UBE4B: variants seen among roughly 807,000 people sequenced by gnomAD.
UBE4B encodes ubiquitin conjugation factor E4 B.
A neutral mutation model predicts 148.1 loss-of-function variants in UBE4B; 27 were observed. The ratio of observed to expected loss-of-function variants is 0.18; its 90% CI spans 0.13 to 0.25. The LOEUF is 0.25. Among genes scored for constraint, UBE4B ranks in the 10% least tolerant of loss-of-function variants. The pLI, the probability that UBE4B is intolerant of heterozygous loss-of-function variation, is 1.00. For missense variants in UBE4B, 1,170 were observed against 1,662.4 expected, an observed-to-expected ratio of 0.70 and a Z score of 5.15; for synonymous variants, 596 against 619.3, an observed-to-expected ratio of 0.96 and a Z score of 0.56.
intron 7 of UBE4B, among the ~76,000 whole-genome samples, chr1:10,113,485 T>C (rs1645255564): frequency 6.6e-6 from 1 of 152,256 alleles, no homozygotes; most frequent in African/African-American, 2.4e-5. Flanking sequence ...TTTCCTTGCA[T>C]TGCCTGGCAC....
intron 1 of UBE4B, among the ~76,000 whole-genome samples, chr1:10,039,686 T>C (rs906605063): frequency 9.9e-5 from 15 of 152,068 alleles, no homozygotes; most frequent in Non-Finnish European, 1.2e-4. Flanking sequence ...GTGGCCCACC[T>C]GCCTCTGCCT....
intron 25 of UBE4B, among the ~76,000 whole-genome samples, chr1:10,176,611 C>T (rs556371992): frequency 1.8e-4 from 27 of 151,940 alleles, no homozygotes; most frequent in African/African-American, 3.9e-4. Context: ...TATTTCATTG[C>T]GGTTTTGATT....
In UBE4B at chr1:10,137,049, T is replaced by C. The variant is rs755088325; in HGVS notation, c.2225-18T>C. On this transcript the variant is annotated intron_variant, in intron 16 of 27. Transcript: ENST00000343090. ...CATGTAATAGATTTTATTTAGGGAA[T>C]GATGTTATTTTTCCTAGATGGCGAT... 1 of 1,613,882 alleles carries C rather than the reference T, an allele frequency of 6.2e-7. No homozygotes were observed. The highest frequency in any genetic ancestry group is 1.3e-5 in the African/African-American group (1 of 74,942).
At chr1:10,133,058 G>C (rs966628646) in intron 15 of UBE4B, among the ~76,000 whole-genome samples, 8 of 146,848 alleles carry the variant, frequency 5.4e-5, no homozygotes, top group African/African-American at 1.9e-4. Flanking sequence ...AAAACAGAAG[G>C]GGGCAGCCAG....
rs559608777 is a variant in UBE4B at position 10,166,941 on chromosome 1, TCA to T, written c.3199-1166_3199-1165del. Among the ~76,000 whole-genome samples the T allele has an allele frequency of 4.0e-3, 528 of 131,318 alleles. 3 individuals carry two copies. Among genetic ancestry groups the T allele is most frequent in the African/African-American group, 8.9e-3 (303 of 34,106 alleles). The allele number at this position is 131,318 out of a possible 152,430, so 86.1% of individuals were successfully genotyped here. A position where few individuals can be genotyped will look rare whatever the true frequency, so the allele number is the denominator to read the frequency against. On this transcript the variant is annotated intron_variant, in intron 23 of 27. Transcript: ENST00000343090. Reference sequence around the variant, plus strand: ...CCCTGTCTCAAAAAAAATAAATAAATCACACACACACACACACACACACACAC... The same window carrying T: ...CCCTGTCTCAAAAAAAATAAATAAATCACACACACACACACACACACACAC...
intron 11 of UBE4B, among the ~76,000 whole-genome samples, chr1:10,127,102 G>A (rs542499151): frequency 8.6e-5 from 13 of 151,998 alleles, no homozygotes; most frequent in Non-Finnish European, 1.3e-4. Flanking sequence ...CTAGACAGGA[G>A]TTAAATGCAC....
chr1:10,126,355 A>AT (rs1377148160), intron 10 of UBE4B, among the ~76,000 whole-genome samples: 13 of 150,788 alleles, frequency 8.6e-5, no homozygotes, highest in African/African-American at 1.7e-4. Flanking sequence ...AGATAGATAG[A>AT]AAGGAGGAAA....
intron 25 of UBE4B, 49 bp downstream of exon 25, chr1:10,171,378 GATA>G: frequency 6.3e-7 from 1 of 1,587,478 alleles, no homozygotes; most frequent in Non-Finnish European, 8.6e-7. Flanking sequence ...CAGATTTGGA[GATA>G]ATAACCACAG....
In UBE4B at chr1:10,105,697, C is replaced by T. The variant is rs1645094359; in HGVS notation, c.762C>T (p.Ser254=). The change falls in exon 6 of 28, where the codon AGC becomes AGT. Residue 254 remains serine (S), a synonymous_variant. Transcript: ENST00000343090. ...ACACTGGCTCCAATCCAGGAACAAGCCCCATGTTCTGCAGCGTGGCTTCCT... is the reference window on the plus strand; with the variant it reads ...ACACTGGCTCCAATCCAGGAACAAGTCCCATGTTCTGCAGCGTGGCTTCCT... ...LLNTGSNPGT[S]PMFCSVASFG... 6.2e-7 allele frequency: 1 copy of T among 1,614,160 alleles called. No homozygotes were observed. Among genetic ancestry groups the T allele is most frequent in the Non-Finnish European group, 8.5e-7 (1 of 1,180,036 alleles).
At chr1:10,143,070 T>G (rs544008856) in intron 17 of UBE4B, among the ~76,000 whole-genome samples, 5 of 152,276 alleles carry the variant, frequency 3.3e-5, no homozygotes, top group African/African-American at 1.2e-4. Context: ...ATCGTGCCAC[T>G]GCACTCCAGG....
At chr1:10,095,797 A>G (rs950279224) in intron 3 of UBE4B, among the ~76,000 whole-genome samples, 8 of 152,124 alleles carry the variant, frequency 5.3e-5, no homozygotes, top group African/African-American at 1.9e-4. Flanking sequence ...GTTGAGACAG[A>G]GTTTCACTCT....
intron 18 of UBE4B, among the ~76,000 whole-genome samples, chr1:10,146,119 C>T (rs1417026406): frequency 6.6e-6 from 1 of 152,122 alleles, no homozygotes; most frequent in Non-Finnish European, 1.5e-5. Flanking sequence ...CTGTGCACCC[C>T]CCTAAGCAGT....
chr1:10,090,997 A>G (rs188678304), intron 2 of UBE4B, among the ~76,000 whole-genome samples: 1 of 152,252 alleles, frequency 6.6e-6, no homozygotes, highest in Admixed American at 6.5e-5. Flanking sequence ...TAGAATGCAT[A>G]ATTTCCTTTA....
At chr1:10,158,180 G>C (rs1646104162) in intron 21 of UBE4B, among the ~76,000 whole-genome samples, 176 bp from the exon 22 acceptor site, 2 of 152,076 alleles carry the variant, frequency 1.3e-5, no homozygotes. Flanking sequence ...TGAAACTTTT[G>C]TCTTTAAAAG....
At position 10,100,849 on chromosome 1, in the gene UBE4B, C is replaced by T. The variant is rs745803927; in HGVS notation, c.348-259C>T. 6.2e-5 allele frequency: 24 copies of T among 385,480 alleles called. 1 individual carries two copies. Among genetic ancestry groups the T allele is most frequent in the South Asian group, 5.4e-4 (20 of 37,158 alleles). The allele number at this position is 385,480 out of a possible 1,614,324, so 23.9% of individuals were successfully genotyped here. Reference sequence around the variant, plus strand: ...GATTACAGGCGTGAGCCACTGCACTCGGCCAATGATATACTTTTAAAAAGT... The same window carrying T: ...GATTACAGGCGTGAGCCACTGCACTTGGCCAATGATATACTTTTAAAAAGT... On this transcript the variant is annotated intron_variant, in intron 3 of 27. Coordinates refer to ENST00000343090, the MANE Select transcript of UBE4B (RefSeq NM_001105562.3).
At chr1:10,091,954 G>T (rs573392567) in intron 2 of UBE4B, among the ~76,000 whole-genome samples, 5 of 152,152 alleles carry the variant, frequency 3.3e-5, no homozygotes, top group African/African-American at 1.2e-4. Context: ...TCTCTGTGTT[G>T]CCCAGGCTGG....
chr1:10,086,851 G>A (rs1320252399), intron 2 of UBE4B, among the ~76,000 whole-genome samples: 2 of 152,134 alleles, frequency 1.3e-5, no homozygotes, highest in East Asian at 1.9e-4. Context: ...CACCACGCCC[G>A]GCTAATTTTT....
chr1:10,132,864 G>A (rs1253406318), intron 15 of UBE4B, among the ~76,000 whole-genome samples: 2 of 152,190 alleles, frequency 1.3e-5, no homozygotes, highest in African/African-American at 2.4e-5. Context: ...ATGTGGAAAC[G>A]AAGCAGCTTT....
chr1:10,054,080 A>G (rs1032455843), intron 1 of UBE4B, among the ~76,000 whole-genome samples: 5 of 152,158 alleles, frequency 3.3e-5, no homozygotes, highest in Non-Finnish European at 7.3e-5. Flanking sequence ...TTTAAAAAAA[A>G]AGACAGGATT....
Sources: gnomAD v4.1 joint callset for allele counts (sites outside exome capture counted in the v4.1 genomes callset) on GRCh38, gnomAD v4.1.1 for gene constraint, MANE v1.5 for transcripts, NCBI Gene and HGNC (gene_info 2026-07-23, HGNC 2026-07-21) for gene names.